Variants in DLGAP1 observed in about 807,000 individuals in gnomAD.
DLGAP1 encodes the protein disks large-associated protein 1.
DLGAP1 carries 11 observed loss-of-function variants against 90.8 expected under a neutral mutation model. The ratio of observed to expected loss-of-function variants is 0.12; its 90% CI spans 0.08 to 0.20. The LOEUF is 0.20. Among genes scored for constraint, DLGAP1 ranks in the 10% least tolerant of loss-of-function variants. The pLI is 1.00. For synonymous variants in DLGAP1, 558 were observed against 540.7 expected (o/e 1.03, Z -0.44); for missense variants, 1,050 against 1,333.8 (o/e 0.79, Z 3.31).
At chr18:3,920,894 A>C (rs181876998) in intron 3 of DLGAP1, among the ~76,000 whole-genome samples, 41 of 152,376 alleles carry the variant, frequency 2.7e-4, no homozygotes, top group Non-Finnish European at 4.7e-4. Flanking sequence ...GGCAAAACTG[A>C]AATGTTCAAT....
At chr18:4,172,071 G>T (rs2077035699) in intron 1 of DLGAP1, among the ~76,000 whole-genome samples, 2 of 152,092 alleles carry the variant, frequency 1.3e-5, no homozygotes, top group South Asian at 4.1e-4. Context: ...TCAGATTTGG[G>T]TTTTGTAATT....
At chr18:3,523,662 A>C (rs1426952647) in intron 10 of DLGAP1, among the ~76,000 whole-genome samples, 1 of 152,054 alleles carries the variant, frequency 6.6e-6, no homozygotes, top group Non-Finnish European at 1.5e-5. Context: ...CCTGGCTAAC[A>C]CGGTGAAACC....
At chr18:3,582,405 G>A (rs186400242) in intron 7 of DLGAP1, among the ~76,000 whole-genome samples, 157 bp from the exon 8 acceptor site, 2 of 152,198 alleles carry the variant, frequency 1.3e-5, no homozygotes, top group African/African-American at 2.4e-5. Flanking sequence ...CCTGCTCTCC[G>A]GAGGTGGTTT....
chr18:3,838,995 A>G (rs1164049550), intron 4 of DLGAP1, among the ~76,000 whole-genome samples: 1 of 152,224 alleles, frequency 6.6e-6, no homozygotes, highest in Non-Finnish European at 1.5e-5. Context: ...CCTAAATTTT[A>G]TCTTAGATAT....
intron 7 of DLGAP1, among the ~76,000 whole-genome samples, chr18:3,717,039 CTT>C (rs56981271): frequency 1.1e-4 from 12 of 113,834 alleles, no homozygotes; most frequent in Middle Eastern, 5.2e-3. Context: ...GTGAGTTTGC[CTT>C]TTTTTTTTTT....
intron 5 of DLGAP1, among the ~76,000 whole-genome samples, chr18:3,807,049 C>G (rs1242380059): frequency 6.6e-6 from 1 of 152,200 alleles, no homozygotes; most frequent in Non-Finnish European, 1.5e-5. Context: ...CAGCTCTGAT[C>G]CTTTGGTCAT....
At chr18:4,239,489 C>T (rs1055291268) in intron 1 of DLGAP1, among the ~76,000 whole-genome samples, 1 of 152,052 alleles carries the variant, frequency 6.6e-6, no homozygotes, top group Non-Finnish European at 1.5e-5. Context: ...TAGTTATGTA[C>T]TCAGAAGGTC....
chr18:4,062,393 G>A (rs1187660392), intron 2 of DLGAP1, among the ~76,000 whole-genome samples: 1 of 152,138 alleles, frequency 6.6e-6, no homozygotes, highest in Non-Finnish European at 1.5e-5. Context: ...TACACAGTCC[G>A]TGTACAGGGT....
chr18:4,255,106 G>A (rs1383241977), intron 1 of DLGAP1, among the ~76,000 whole-genome samples: 3 of 152,148 alleles, frequency 2.0e-5, no homozygotes, highest in Non-Finnish European at 4.4e-5. Flanking sequence ...TTAGTTTTAC[G>A]TACGCCCGAT....
At chr18:4,009,063 C>T (rs2074365131) in intron 2 of DLGAP1, among the ~76,000 whole-genome samples, 1 of 152,198 alleles carries the variant, frequency 6.6e-6, no homozygotes, top group Non-Finnish European at 1.5e-5. Flanking sequence ...CGCCACCATG[C>T]CCGGCTAATT....
intron 2 of DLGAP1, among the ~76,000 whole-genome samples, chr18:4,039,704 G>A (rs1455536010): frequency 2.6e-5 from 4 of 152,114 alleles, no homozygotes; most frequent in Admixed American, 2.0e-4. Context: ...ATATAAAATG[G>A]TGATGGTGAT....
chr18:4,347,866 G>A (rs2081328006), intron 1 of DLGAP1, among the ~76,000 whole-genome samples: 1 of 151,872 alleles, frequency 6.6e-6, no homozygotes, highest in African/African-American at 2.4e-5. Flanking sequence ...AGAGGTAAAA[G>A]TATCCCTACT....
intron 2 of DLGAP1, among the ~76,000 whole-genome samples, chr18:4,132,220 G>C (rs2076327837): frequency 6.6e-6 from 1 of 152,100 alleles, no homozygotes; most frequent in African/African-American, 2.4e-5. Flanking sequence ...TCACTGAAAT[G>C]ATTCAACCAT....
intron 7 of DLGAP1, among the ~76,000 whole-genome samples, chr18:3,583,207 T>C (rs1477379155): frequency 7.3e-5 from 11 of 150,800 alleles, no homozygotes; most frequent in South Asian, 6.4e-4. Context: ...CCTTCCTTCC[T>C]TCCTTCCCTC....
intron 1 of DLGAP1, among the ~76,000 whole-genome samples, chr18:4,433,852 C>CA (rs1160996068): frequency 1.4e-4 from 21 of 151,692 alleles, no homozygotes; most frequent in South Asian, 6.2e-4. Flanking sequence ...AAAGCTCTGC[C>CA]AAAAAAAATC....
chr18:4,096,730 G>A (rs1439794684), intron 2 of DLGAP1, among the ~76,000 whole-genome samples: 1 of 152,180 alleles, frequency 6.6e-6, no homozygotes, highest in South Asian at 2.1e-4. Context: ...TCACAGCTAT[G>A]TTTAAAATCT....
intron 4 of DLGAP1, among the ~76,000 whole-genome samples, chr18:3,878,878 CT>C (rs1406376526): frequency 1.3e-5 from 2 of 152,198 alleles, no homozygotes; most frequent in African/African-American, 4.8e-5. Flanking sequence ...CATAGGCGTG[CT>C]TTTCAAAGCA....
At chr18:3,948,828 C>A (rs1010664084) in intron 3 of DLGAP1, among the ~76,000 whole-genome samples, 2 of 152,024 alleles carry the variant, frequency 1.3e-5, no homozygotes, top group Admixed American at 1.3e-4. Context: ...GTGTATACTG[C>A]TCGGGTGATG....
intron 1 of DLGAP1, among the ~76,000 whole-genome samples, chr18:4,238,491 G>A (rs183251755): frequency 8.1e-4 from 123 of 152,238 alleles, no homozygotes; most frequent in African/African-American, 2.8e-3. Flanking sequence ...CAGAAAAGAC[G>A]TCTCAGTGTT....
Sources: allele counts gnomAD v4.1 joint callset (sites outside exome capture counted in the v4.1 genomes callset), GRCh38; gene constraint gnomAD v4.1.1; transcripts MANE v1.5; gene names NCBI Gene and HGNC (gene_info 2026-07-23, HGNC 2026-07-21).